Variants in PASD1 observed in about 807,000 individuals in gnomAD.
The protein encoded by PASD1 is PAS domain containing repressor 1, also known as circadian clock protein PASD1.
PASD1 carries 13 observed loss-of-function variants against 58.8 expected under a neutral mutation model. The observed-to-expected ratio is 0.22, with a 90% CI of 0.14 to 0.35. The LOEUF (loss-of-function observed/expected upper bound fraction) is 0.35, where lower values mean the gene tolerates loss of function less well. Ranked by LOEUF, PASD1 falls within the 10% of genes least tolerant of loss-of-function variation. PASD1 has a pLI of 1.00. For synonymous variants in PASD1, 236 were observed against 216.7 expected (o/e 1.09, Z -0.78); for missense variants, 734 against 568.3 (o/e 1.29, Z -2.96).
At chrX:151,600,310 CGA>C (rs1215162205) in intron 1 of PASD1, among the ~76,000 whole-genome samples, 10 of 97,879 alleles carry the variant, frequency 1.0e-4, no homozygotes, top group Admixed American at 9.3e-4. Context: ...GAGACGGGAG[CGA>C]GAGAGGGGGA....
intron 1 of PASD1, among the ~76,000 whole-genome samples, chrX:151,574,816 C>CT (rs978122702): frequency 1.8e-5 from 2 of 111,738 alleles, no homozygotes; most frequent in African/African-American, 6.5e-5. Flanking sequence ...ACATTTTCTT[C>CT]TTTTTTTATT....
At chrX:151,613,745 C>T (rs2013599263) in intron 4 of PASD1, among the ~76,000 whole-genome samples, 1 of 111,748 alleles carries the variant, frequency 8.9e-6, no homozygotes, top group African/African-American at 3.3e-5. Context: ...TAAAGCTCAT[C>T]AGAGAAGATG....
rs1322935096 is a variant in PASD1, at chrX:151,624,532, T to G, written c.547-916T>G. Among the ~76,000 whole-genome samples, 6 of 111,886 alleles carry G rather than the reference T, an allele frequency of 5.4e-5. No individual in the cohort carries two copies. In the East Asian group the frequency reaches 1.7e-3, roughly 31 times the overall value. On this transcript the variant is annotated intron_variant, in intron 7 of 15. Coordinates refer to ENST00000370357, the MANE Select transcript of PASD1 (RefSeq NM_173493.3). ...ACATCCTTTAGCCTCAGTTTCTTTT[T>G]CTATAAATGGCAGTCATAGTACCTT...
chrX:151,614,997 A>G (rs1027249540), intron 4 of PASD1, among the ~76,000 whole-genome samples: 1 of 103,432 alleles, frequency 9.7e-6, no homozygotes, highest in African/African-American at 3.6e-5. Flanking sequence ...GCACTTTAGT[A>G]TATTTAAATC....
At chrX:151,603,017 ACCT>A (rs2013439694) in intron 2 of PASD1, among the ~76,000 whole-genome samples, 1 of 112,091 alleles carries the variant, frequency 8.9e-6, no homozygotes, top group Non-Finnish European at 1.9e-5. Flanking sequence ...CCTTCCTAAT[ACCT>A]TCCTAGTAAG....
chrX:151,613,980 G>A (rs1019029152), intron 4 of PASD1, among the ~76,000 whole-genome samples: 1 of 109,627 alleles, frequency 9.1e-6, no homozygotes, highest in South Asian at 3.9e-4. Flanking sequence ...TAGAAGAAGC[G>A]AGGGAGCTCT....
intron 1 of PASD1, among the ~76,000 whole-genome samples, chrX:151,590,520 A>G (rs2079275723): frequency 9.0e-6 from 1 of 111,294 alleles, no homozygotes; most frequent in African/African-American, 3.3e-5. Flanking sequence ...ACCTAACCCC[A>G]TAGTAAATGG....
intron 1 of PASD1, among the ~76,000 whole-genome samples, chrX:151,582,793 C>G (rs2013116241): frequency 1.0e-5 from 1 of 98,453 alleles, no homozygotes; most frequent in Admixed American, 1.2e-4. Context: ...GGACTGAGCT[C>G]TTAACATGAT....
intron 1 of PASD1, among the ~76,000 whole-genome samples, chrX:151,599,503 C>T (rs1337467752): frequency 1.8e-5 from 2 of 111,309 alleles, no homozygotes; most frequent in Non-Finnish European, 3.8e-5. Flanking sequence ...TCCTCACTTC[C>T]CAGACGGGGC....
At chrX:151,644,893 A>G (rs2014041328) in intron 8 of PASD1, among the ~76,000 whole-genome samples, 1 of 110,935 alleles carries the variant, frequency 9.0e-6, no homozygotes, top group South Asian at 3.9e-4. Flanking sequence ...AAATAGTGGG[A>G]GGCTGGGGCA....
At chrX:151,637,400 A>G (rs1396960549) in intron 8 of PASD1, among the ~76,000 whole-genome samples, 1 of 111,299 alleles carries the variant, frequency 9.0e-6, no homozygotes, top group Non-Finnish European at 1.9e-5. Flanking sequence ...TTTTCTGGAG[A>G]CAGAGTCTCG....
chrX:151,640,895 A>G (rs2013988359), intron 8 of PASD1, among the ~76,000 whole-genome samples: 1 of 111,974 alleles, frequency 8.9e-6, no homozygotes. Context: ...AGCCAATATC[A>G]GCAATATTCT....
intron 9 of PASD1, among the ~76,000 whole-genome samples, chrX:151,659,453 T>G (rs147491309): frequency 1.5e-4 from 17 of 112,608 alleles, no homozygotes; most frequent in East Asian, 1.1e-3. Flanking sequence ...GATGCCTTTA[T>G]TTTTAGTGTT....
intron 8 of PASD1, 22 bp from the exon 9 acceptor site, chrX:151,648,591 ATC>A: frequency 1.7e-6 from 2 of 1,188,646 alleles, no homozygotes; most frequent in Non-Finnish European, 2.3e-6. Context: ...TATGCTTACC[ATC>A]TCTCTTTTTT....
intron 14 of PASD1, 160 bp downstream of exon 14, chrX:151,672,821 G>A (rs1397223364): frequency 1.3e-5 from 11 of 872,700 alleles, no homozygotes; most frequent in South Asian, 7.9e-5. Flanking sequence ...CTGTGGCCAC[G>A]GCCATCATCC....
At chrX:151,622,621 C>CACA (rs2013729426) in intron 6 of PASD1, among the ~76,000 whole-genome samples, 1 of 65,200 alleles carries the variant, frequency 1.5e-5, no homozygotes, top group African/African-American at 5.0e-5. Flanking sequence ...ACACACACTC[C>CACA]CACACACTCT....
chrX:151,582,232 C>T (rs367708499), intron 1 of PASD1, among the ~76,000 whole-genome samples: 9 of 110,912 alleles, frequency 8.1e-5, no homozygotes, highest in African/African-American at 3.0e-4. Context: ...GATCCACCAC[C>T]TTGGCCTTCC....
rs189231714 is a variant in PASD1, at chrX:151,630,053, T to C, written c.629+4523T>C. 6.6e-3 allele frequency among the ~76,000 whole-genome samples: 734 copies of C among 111,746 alleles called. 7 individuals carry two copies. The highest frequency in any genetic ancestry group is 0.033 in the South Asian group (86 of 2,632). On this transcript the variant is annotated intron_variant, in intron 8 of 15. Transcript: ENST00000370357. Reference sequence around the variant, plus strand: ...ATTTTGTAAGAAATTATGACTCAAATGTGGGTGAACGCACACTCTTTCCCC... The same window carrying C: ...ATTTTGTAAGAAATTATGACTCAAACGTGGGTGAACGCACACTCTTTCCCC...
At chrX:151,653,920 TTCTTTC>T (rs1468485160) in intron 9 of PASD1, among the ~76,000 whole-genome samples, 1 of 73,153 alleles carries the variant, frequency 1.4e-5, no homozygotes, top group Non-Finnish European at 2.6e-5. Context: ...CTTTCTTTCT[TTCTTTC>T]TTTCTTTCTT....
Sources: allele counts gnomAD v4.1 joint callset (sites outside exome capture counted in the v4.1 genomes callset), GRCh38; gene constraint gnomAD v4.1.1; transcripts MANE v1.5; gene names NCBI Gene and HGNC (gene_info 2026-07-23, HGNC 2026-07-21).